The following CAV1 variants were observed in gnomAD, a reference collection of about 807,000 sequenced individuals.
CAV1 encodes the protein caveolin-1.
A neutral mutation model predicts 16.5 loss-of-function variants in CAV1; 10 were observed. The ratio of observed to expected loss-of-function variants is 0.61; its 90% CI spans 0.37 to 1.03. The LOEUF is 1.03. Among genes scored for constraint, CAV1 ranks in the 50% least tolerant of loss-of-function variants. The pLI is 0.01. For missense variants in CAV1, 212 were observed against 232.8 expected (o/e 0.91, Z 0.58); for synonymous variants, 76 against 85.1 (o/e 0.89, Z 0.59).
chr7:116,533,439 G>C (rs1793728097), intron 2 of CAV1, among the ~76,000 whole-genome samples: 1 of 151,324 alleles, frequency 6.6e-6, no homozygotes. Flanking sequence ...AAAATATTTT[G>C]GGCAAACTAT....
Position 116,558,929 on chromosome 7 carries a change from T to A in CAV1, c.196-17T>A. 1.9e-6 allele frequency: 3 copies of A among 1,581,776 alleles called. No homozygotes were observed. Among genetic ancestry groups the A allele is most frequent in the Non-Finnish European group, 2.6e-6 (3 of 1,151,416 alleles). ...TCTTCTATTCTGTGCTCATGTTGTG[T>A]CACTTCTTCCTTTTAGATTGACTTT... On this transcript the variant is annotated splice_polypyrimidine_tract_variant and intron_variant, in intron 2 of 2. Coordinates refer to ENST00000341049, the MANE Select transcript of CAV1 (RefSeq NM_001753.5).
At chr7:116,555,063 T>C (rs962626282) in intron 2 of CAV1, among the ~76,000 whole-genome samples, 1 of 152,150 alleles carries the variant, frequency 6.6e-6, no homozygotes, top group African/African-American at 2.4e-5. Flanking sequence ...AGAAATTAGC[T>C]CTTTTGAGCC....
chr7:116,536,660 T>G (rs1473437865), intron 2 of CAV1, among the ~76,000 whole-genome samples: 1 of 152,136 alleles, frequency 6.6e-6, no homozygotes, highest in Non-Finnish European at 1.5e-5. Context: ...GCAAAGGCAT[T>G]TGTCTCTTTG....
intron 2 of CAV1, among the ~76,000 whole-genome samples, chr7:116,532,349 C>T (rs139741636): frequency 2.0e-3 from 297 of 152,292 alleles, no homozygotes; most frequent in Non-Finnish European, 3.0e-3. Context: ...TTTTAGTTTG[C>T]CCTACTTTTA....
At chr7:116,532,947 G>C (rs1341516545) in intron 2 of CAV1, among the ~76,000 whole-genome samples, 1 of 152,204 alleles carries the variant, frequency 6.6e-6, no homozygotes, top group Admixed American at 6.5e-5. Flanking sequence ...AGGAAGAAGG[G>C]ACGGAAAATA....
rs186085442 is a variant in CAV1 at position 116,546,539 on chromosome 7, A to T, written c.196-12407A>T. On this transcript the variant is annotated intron_variant, in intron 2 of 2. Coordinates refer to ENST00000341049, the MANE Select transcript of CAV1 (RefSeq NM_001753.5). ...ATCCTGCCTCTACTAAAAATAAAAA[A>T]AAAAAAAATTAGTCAGGTGTGGTGG... Among the ~76,000 whole-genome samples, 958 of 151,716 alleles carry T rather than the reference A, an allele frequency of 6.3e-3. 5 individuals carry two copies. The highest frequency in any genetic ancestry group is 0.01 in the Non-Finnish European group (702 of 67,792).
chr7:116,538,606 A>G (rs1310478669), intron 2 of CAV1, among the ~76,000 whole-genome samples: 1 of 152,212 alleles, frequency 6.6e-6, no homozygotes, highest in East Asian at 1.9e-4. Context: ...AAATTCACCA[A>G]ACTATTTTGG....
intron 2 of CAV1, among the ~76,000 whole-genome samples, chr7:116,527,237 G>A (rs757484496): frequency 4.6e-5 from 7 of 152,170 alleles, no homozygotes; most frequent in East Asian, 1.9e-4. Flanking sequence ...AAGAAAATAC[G>A]TACTTATTCA....
At chr7:116,550,352 A>G (rs965670298) in intron 2 of CAV1, among the ~76,000 whole-genome samples, 11 of 152,152 alleles carry the variant, frequency 7.2e-5, no homozygotes, top group African/African-American at 2.7e-4. Flanking sequence ...AATAAGAGTC[A>G]ATACTCCTAC....
In CAV1 at chr7:116,559,741, CAA is replaced by C; in HGVS notation, c.*456_*457del. ...TACAAGTATGTGGGCAGATTTTCAG[CAA>C]ACTCTTTTCCCACTGTTTAAGGAGT... On this transcript the variant is annotated 3_prime_UTR_variant, in exon 3 of 3. Coordinates refer to ENST00000341049, the MANE Select transcript of CAV1 (RefSeq NM_001753.5). 1 of 436,704 alleles carries C rather than the reference CAA, an allele frequency of 2.3e-6. No homozygotes were observed. Among genetic ancestry groups the C allele is most frequent in the Middle Eastern group, 5.9e-4 (1 of 1,702 alleles). The allele number at this position is 436,704 out of a possible 1,614,324, so 27.1% of individuals were successfully genotyped here.
intron 2 of CAV1, 74 bp downstream of exon 2, chr7:116,526,763 G>A (rs1562826909): frequency 8.4e-6 from 13 of 1,554,130 alleles, no homozygotes; most frequent in Non-Finnish European, 1.1e-5. Flanking sequence ...TCCTTCTTTA[G>A]CATTGCCGTG....
intron 2 of CAV1, among the ~76,000 whole-genome samples, chr7:116,532,274 T>C (rs1486917945): frequency 1.3e-5 from 2 of 152,166 alleles, no homozygotes; most frequent in Non-Finnish European, 2.9e-5. Context: ...AACCACCTGT[T>C]TATGTATCCT....
intron 2 of CAV1, chr7:116,527,105 T>C (rs1413196087): frequency 3.5e-6 from 1 of 289,088 alleles, no homozygotes; most frequent in Admixed American, 4.6e-5. Flanking sequence ...CAGATAATTG[T>C]GTCAGGTCTT....
In CAV1 at chr7:116,526,686, C is replaced by T. The variant is rs749434738; in HGVS notation, c.192C>T (p.Val64=). The change falls in exon 2 of 3, where the codon GTC becomes GTT. Residue 64 remains valine (V), a synonymous_variant. Coordinates refer to ENST00000341049, the MANE Select transcript of CAV1 (RefSeq NM_001753.5). The part of the protein sequence containing the change: ...RDPKHLNDDV[V]KIDFEDVIAE... ...CTAAACACCTCAACGATGACGTGGT[C>T]AAGGTAAGCCAAGGCGACCAACAGG... 149 of 1,613,924 alleles carry T rather than the reference C, an allele frequency of 9.2e-5. No individual in the cohort carries two copies. Among genetic ancestry groups the T allele is most frequent in the Non-Finnish European group, 1.2e-4 (144 of 1,180,026 alleles).
intron 2 of CAV1, among the ~76,000 whole-genome samples, chr7:116,556,029 A>G (rs1794288104): frequency 6.6e-6 from 1 of 152,164 alleles, no homozygotes; most frequent in African/African-American, 2.4e-5. Context: ...GTTGCTTTCC[A>G]CCCCTGGAGA....
chr7:116,545,212 G>A (rs1418145729), intron 2 of CAV1, among the ~76,000 whole-genome samples: 1 of 152,136 alleles, frequency 6.6e-6, no homozygotes, highest in Non-Finnish European at 1.5e-5. Context: ...CGATTTGGGG[G>A]ATGCTTCTGG....
intron 2 of CAV1, among the ~76,000 whole-genome samples, chr7:116,555,638 A>G (rs537753321): frequency 1.7e-4 from 25 of 147,486 alleles, no homozygotes; most frequent in Non-Finnish European, 2.0e-4. Flanking sequence ...AGGGAGGGAG[A>G]GGAGAGAAAG....
At chr7:116,553,772 A>G (rs1409248096) in intron 2 of CAV1, among the ~76,000 whole-genome samples, 1 of 152,152 alleles carries the variant, frequency 6.6e-6, no homozygotes. Context: ...CTGGGGAGTG[A>G]TCGTTTCAAT....
At chr7:116,542,045 G>C (rs982496509) in intron 2 of CAV1, among the ~76,000 whole-genome samples, 30 of 152,180 alleles carry the variant, frequency 2.0e-4, no homozygotes, top group African/African-American at 7.2e-4. Flanking sequence ...AATTGATGTG[G>C]CGTTGTTTCA....
Sources: gnomAD v4.1 joint callset for allele counts (sites outside exome capture counted in the v4.1 genomes callset) on GRCh38, gnomAD v4.1.1 for gene constraint, MANE v1.5 for transcripts, NCBI Gene and HGNC (gene_info 2026-07-23, HGNC 2026-07-21) for gene names.